Variants in GRID2 observed in about 807,000 individuals in gnomAD.
The protein encoded by GRID2 is glutamate ionotropic receptor delta type subunit 2.
In GRID2, 33 loss-of-function variants were observed where a neutral mutation model predicts 114.8. That is an observed-to-expected ratio of 0.29 (90% CI 0.22 to 0.38). GRID2 has a LOEUF of 0.38. Among genes scored for constraint, GRID2 ranks in the 10% least tolerant of loss-of-function variants. The pLI is 1.00. For synonymous variants in GRID2, 505 were observed against 449.9 expected, an observed-to-expected ratio of 1.12 and a Z score of -1.55; for missense variants, 1,184 against 1,257.7, an observed-to-expected ratio of 0.94 and a Z score of 0.89.
intron 1 of GRID2, among the ~76,000 whole-genome samples, chr4:92,367,728 G>T (rs1728938165): frequency 6.6e-6 from 1 of 152,082 alleles, no homozygotes; most frequent in Non-Finnish European, 1.5e-5. Context: ...GGCATGATAA[G>T]ATTTTTAAAA....
At chr4:92,606,696 A>G (rs1471703865) in intron 2 of GRID2, among the ~76,000 whole-genome samples, 1 of 151,992 alleles carries the variant, frequency 6.6e-6, no homozygotes, top group Non-Finnish European at 1.5e-5. Flanking sequence ...CACTCCACCC[A>G]GACCTGCGTA....
intron 2 of GRID2, among the ~76,000 whole-genome samples, chr4:92,766,817 T>G (rs1407812239): frequency 6.6e-6 from 1 of 152,212 alleles, no homozygotes; most frequent in African/African-American, 2.4e-5. Flanking sequence ...TATACATTTA[T>G]CAGTGGGGTT....
intron 2 of GRID2, among the ~76,000 whole-genome samples, chr4:92,925,458 C>T (rs1273409250): frequency 6.6e-6 from 1 of 151,996 alleles, no homozygotes; most frequent in African/African-American, 2.4e-5. Context: ...ATTTTCAAAG[C>T]AACTACTATT....
chr4:92,725,121 C>T (rs1312700526), intron 2 of GRID2, among the ~76,000 whole-genome samples: 2 of 151,878 alleles, frequency 1.3e-5, no homozygotes, highest in Admixed American at 6.6e-5. Context: ...GGCAACATGG[C>T]GAAACCCCGT....
intron 2 of GRID2, among the ~76,000 whole-genome samples, chr4:92,714,885 A>G (rs559750677): frequency 6.6e-6 from 1 of 152,284 alleles, no homozygotes; most frequent in East Asian, 1.9e-4. Context: ...GAGCTGCTGC[A>G]AAGGTCTCTG....
intron 8 of GRID2, among the ~76,000 whole-genome samples, chr4:93,369,241 C>A (rs1453842327): frequency 6.6e-6 from 1 of 152,104 alleles, no homozygotes; most frequent in Non-Finnish European, 1.5e-5. Context: ...GCCTCCATGG[C>A]CATGTTGCCT....
chr4:93,579,837 C>T (rs758219341), intron 13 of GRID2, among the ~76,000 whole-genome samples: 36 of 152,132 alleles, frequency 2.4e-4, no homozygotes, highest in Non-Finnish European at 5.1e-4. Context: ...CTCCCTCTTG[C>T]TTTCGTTTTC....
intron 2 of GRID2, among the ~76,000 whole-genome samples, chr4:92,767,776 C>T (rs1738337747): frequency 1.3e-5 from 2 of 151,868 alleles, no homozygotes; most frequent in East Asian, 1.9e-4. Flanking sequence ...GCACAGTATG[C>T]GTGCCTTTAG....
chr4:92,936,507 T>C (rs1750678534), intron 2 of GRID2, among the ~76,000 whole-genome samples: 1 of 146,306 alleles, frequency 6.8e-6, no homozygotes, highest in Non-Finnish European at 1.5e-5. Context: ...ATTGTGAAAA[T>C]TTTTTCATGA....
intron 12 of GRID2, among the ~76,000 whole-genome samples, chr4:93,498,120 C>T (rs1442180863): frequency 6.6e-6 from 1 of 151,792 alleles, no homozygotes; most frequent in Non-Finnish European, 1.5e-5. Context: ...GCTGCTATAA[C>T]AAAATACCTA....
At chr4:92,770,524 C>T (rs1277752001) in intron 2 of GRID2, among the ~76,000 whole-genome samples, 10 of 152,140 alleles carry the variant, frequency 6.6e-5, no homozygotes, top group East Asian at 3.9e-4. Context: ...AAGACATACC[C>T]GAGACTGGAC....
intron 1 of GRID2, among the ~76,000 whole-genome samples, chr4:92,530,635 C>A (rs995133619): frequency 6.6e-6 from 1 of 150,732 alleles, no homozygotes; most frequent in Non-Finnish European, 1.5e-5. Context: ...GGCATGGTGG[C>A]TTATTCCTGT....
intron 14 of GRID2, among the ~76,000 whole-genome samples, chr4:93,629,775 T>G (rs1040530962): frequency 6.6e-6 from 1 of 152,194 alleles, no homozygotes; most frequent in Non-Finnish European, 1.5e-5. Flanking sequence ...TAATAAATAT[T>G]AGTATGTAAA....
At chr4:92,972,662 A>G (rs1436123928) in intron 2 of GRID2, among the ~76,000 whole-genome samples, 1 of 151,620 alleles carries the variant, frequency 6.6e-6, no homozygotes, top group Non-Finnish European at 1.5e-5. Flanking sequence ...TACATAGGTA[A>G]TCGTGTCATG....
At chr4:92,601,648 C>T (rs1195656069) in intron 2 of GRID2, among the ~76,000 whole-genome samples, 2 of 151,906 alleles carry the variant, frequency 1.3e-5, no homozygotes, top group African/African-American at 4.8e-5. Context: ...CAAACAAACC[C>T]CAAAGCTAAC....
intron 2 of GRID2, among the ~76,000 whole-genome samples, chr4:92,922,477 C>T (rs1005029931): frequency 6.6e-6 from 1 of 152,094 alleles, no homozygotes; most frequent in East Asian, 1.9e-4. Context: ...CCTATTCAGC[C>T]ATCTCTCCAC....
chr4:92,636,501 C>T (rs1731073666), intron 2 of GRID2, among the ~76,000 whole-genome samples: 1 of 151,928 alleles, frequency 6.6e-6, no homozygotes, highest in Non-Finnish European at 1.5e-5. Flanking sequence ...CTTTGTTCTC[C>T]CTCTATCCAT....
intron 2 of GRID2, among the ~76,000 whole-genome samples, chr4:92,861,958 G>A (rs923955228): frequency 2.6e-5 from 4 of 151,588 alleles, no homozygotes; most frequent in East Asian, 1.9e-4. Context: ...ATTGTCTGAC[G>A]CCCACTATAT....
chr4:92,991,897 T>C (rs1295437590), intron 2 of GRID2, among the ~76,000 whole-genome samples: 1 of 152,168 alleles, frequency 6.6e-6, no homozygotes, highest in Non-Finnish European at 1.5e-5. Flanking sequence ...ACAGGATACA[T>C]AGGAGTGATA....
Sources: gnomAD v4.1 joint callset for allele counts (sites outside exome capture counted in the v4.1 genomes callset) on GRCh38, gnomAD v4.1.1 for gene constraint, MANE v1.5 for transcripts, NCBI Gene and HGNC (gene_info 2026-07-23, HGNC 2026-07-21) for gene names.